ATG5: variants seen among roughly 807,000 people sequenced by gnomAD.
The protein encoded by ATG5 is autophagy related 5.
ATG5 carries 14 observed loss-of-function variants against 36.5 expected under a neutral mutation model. That is an observed-to-expected ratio of 0.38 (90% CI 0.25 to 0.60). The LOEUF (loss-of-function observed/expected upper bound fraction) is 0.60, where lower values mean the gene tolerates loss of function less well. Ranked by LOEUF, ATG5 falls within the 20% of genes least tolerant of loss-of-function variation. The pLI is 0.60. For synonymous variants in ATG5, 95 were observed against 101.5 expected (o/e 0.94, Z 0.38); for missense variants, 195 against 326.7 (o/e 0.60, Z 3.11).
At chr6:106,281,571 A>C (rs1248810288) in intron 4 of ATG5, among the ~76,000 whole-genome samples, 2 of 152,204 alleles carry the variant, frequency 1.3e-5, no homozygotes, top group African/African-American at 4.8e-5. Flanking sequence ...TGTTTATCTA[A>C]AAACTTGTTA....
chr6:106,186,818 A>ACATG, intron 7 of ATG5, 142 bp from the exon 8 acceptor site: 2 of 979,922 alleles, frequency 2.0e-6, no homozygotes, highest in East Asian at 5.2e-5. Flanking sequence ...GGACATGGAG[A>ACATG]AAGTTCAAAT....
intron 5 of ATG5, 31 bp downstream of exon 5, chr6:106,279,630 G>T (rs927698961): frequency 2.1e-5 from 30 of 1,406,086 alleles, no homozygotes; most frequent in Non-Finnish European, 2.6e-5. Context: ...TTATAAAGTG[G>T]TATTCTAAAA....
At chr6:106,259,532 T>C (rs1388366098) in intron 5 of ATG5, among the ~76,000 whole-genome samples, 1 of 152,238 alleles carries the variant, frequency 6.6e-6, no homozygotes, top group African/African-American at 2.4e-5. Context: ...ATTATAATTG[T>C]AAAGCATTTC....
chr6:106,235,685 G>T (rs1474138887), intron 6 of ATG5, among the ~76,000 whole-genome samples: 2 of 152,148 alleles, frequency 1.3e-5, no homozygotes, highest in African/African-American at 4.8e-5. Flanking sequence ...TCGCCTGAGA[G>T]CACAGCGGGA....
At chr6:106,216,831 C>A (rs559273468) in intron 6 of ATG5, among the ~76,000 whole-genome samples, 17 of 152,164 alleles carry the variant, frequency 1.1e-4, no homozygotes, top group African/African-American at 3.9e-4. Context: ...GCACTATGAT[C>A]ATACCTGTAA....
rs917226178 is a variant in ATG5 at position 106,313,890 on chromosome 6, T to G, written c.108+2211A>C. On this transcript the variant is annotated intron_variant, in intron 2 of 7. Coordinates refer to ENST00000369076, the MANE Select transcript of ATG5 (RefSeq NM_004849.4). ...AACTTACACTTAAGCATGTACATAT[T>G]TAAATAGCAAAATTTGGATTGTGCC... 4.6e-5 allele frequency among the ~76,000 whole-genome samples: 7 copies of G among 152,334 alleles called. No individual in the cohort carries two copies. The South Asian group carries it at 1.0e-3, about 23-fold the overall frequency.
At chr6:106,253,353 T>A (rs1778673227) in intron 5 of ATG5, among the ~76,000 whole-genome samples, 1 of 152,180 alleles carries the variant, frequency 6.6e-6, no homozygotes, top group South Asian at 2.1e-4. Context: ...AGGAAGTTCA[T>A]CCTTCATCCT....
intron 2 of ATG5, among the ~76,000 whole-genome samples, chr6:106,313,721 T>C (rs926755995): frequency 1.3e-5 from 2 of 152,146 alleles, no homozygotes; most frequent in Non-Finnish European, 2.9e-5. Context: ...ATATGTACTA[T>C]TAATATTAAA....
intron 6 of ATG5, among the ~76,000 whole-genome samples, chr6:106,230,056 G>A (rs1301847336): frequency 6.6e-6 from 1 of 152,186 alleles, no homozygotes; most frequent in Non-Finnish European, 1.5e-5. Flanking sequence ...GACCTAGGAG[G>A]AACTCCCTTC....
chr6:106,186,198 T>A lies in ATG5; in HGVS notation c.*342A>T, dbSNP rs1775760903. The A allele has an allele frequency of 4.9e-6, 1 of 204,574 alleles. No homozygotes were observed. The highest frequency in any genetic ancestry group is 1.6e-4 in the South Asian group (1 of 6,264). 12.7% of individuals were successfully genotyped at this position (204,574 alleles called of 1,614,324 possible). A position where few individuals can be genotyped will look rare whatever the true frequency, so the allele number is the denominator to read the frequency against. ...GGTCACCTTAGGAAATACCCCTGTTTATTTGTTAATCAGAAATACAAATCG... is the reference window on the plus strand; with the variant it reads ...GGTCACCTTAGGAAATACCCCTGTTAATTTGTTAATCAGAAATACAAATCG... On this transcript the variant is annotated 3_prime_UTR_variant, in exon 8 of 8. Coordinates refer to ENST00000369076, the MANE Select transcript of ATG5 (RefSeq NM_004849.4).
chr6:106,220,088 G>A (rs1248947013), intron 6 of ATG5, among the ~76,000 whole-genome samples: 2 of 152,032 alleles, frequency 1.3e-5, no homozygotes, highest in East Asian at 3.8e-4. Context: ...TCTGTAAAAT[G>A]CTCCCAAGAT....
intron 5 of ATG5, among the ~76,000 whole-genome samples, chr6:106,265,161 T>C (rs1397683894): frequency 1.3e-5 from 1 of 75,472 alleles, no homozygotes; most frequent in Admixed American, 1.7e-4. Flanking sequence ...ACCAAGCAAA[T>C]GGAAAGCAAA....
chr6:106,241,025 C>T (rs1778104584), intron 6 of ATG5, among the ~76,000 whole-genome samples: 1 of 152,096 alleles, frequency 6.6e-6, no homozygotes. Context: ...TGGTGGTGGG[C>T]ACCTGTAGTC....
intron 4 of ATG5, among the ~76,000 whole-genome samples, chr6:106,285,811 A>C (rs1044896197): frequency 3.3e-5 from 5 of 152,198 alleles, no homozygotes; most frequent in African/African-American, 9.6e-5. Flanking sequence ...ATATTTTTTT[A>C]AATTTTTTTC....
chr6:106,228,126 T>C (rs536489662), intron 6 of ATG5, among the ~76,000 whole-genome samples: 21 of 152,284 alleles, frequency 1.4e-4, no homozygotes, highest in Non-Finnish European at 2.2e-4. Flanking sequence ...TATTAGAAAA[T>C]AGCTTTATTG....
At chr6:106,295,181 T>C (rs1359834965) in intron 3 of ATG5, among the ~76,000 whole-genome samples, 1 of 152,208 alleles carries the variant, frequency 6.6e-6, no homozygotes, top group Non-Finnish European at 1.5e-5. Context: ...TAATACCTTA[T>C]ACTTTTACAA....
At chr6:106,202,118 GC>G in intron 6 of ATG5, 29 bp from the exon 7 acceptor site, 1 of 1,570,226 alleles carries the variant, frequency 6.4e-7, no homozygotes, top group South Asian at 1.1e-5. Flanking sequence ...AATGATTCAA[GC>G]AATTAAGTCT....
rs1385286421 is a variant in ATG5 at position 106,185,596 on chromosome 6, A to G, written c.*944T>C. On this transcript the variant is annotated 3_prime_UTR_variant, in exon 8 of 8. Coordinates refer to ENST00000369076, the MANE Select transcript of ATG5 (RefSeq NM_004849.4). ...TGAAAAATTAGACCTGGAGCCAATG[A>G]AAAACACTAGCTTGGAAGGAATGGG... The G allele has an allele frequency of 6.6e-6, 1 of 152,350 alleles. No homozygotes were observed. Among genetic ancestry groups the G allele is most frequent in the African/African-American group, 2.4e-5 (1 of 41,466 alleles). 9.4% of individuals were successfully genotyped at this position (152,350 alleles called of 1,614,324 possible). A position where few individuals can be genotyped will look rare whatever the true frequency, so the allele number is the denominator to read the frequency against.
At position 106,322,706 on chromosome 6, in the gene ATG5, G is replaced by GACT. The variant is rs533589617; in HGVS notation, c.-59+2817_-59+2819dup. On this transcript the variant is annotated intron_variant, in intron 1 of 7. Coordinates refer to ENST00000369076, the MANE Select transcript of ATG5 (RefSeq NM_004849.4). ...AACTGTAAATGTTGAAATGCCCCAG[G>GACT]ACTCAGTCCTTGAACCACTCCCTTG... Among the ~76,000 whole-genome samples, 12 of 152,246 alleles carry GACT rather than the reference G, an allele frequency of 7.9e-5. No individual in the cohort carries two copies. In the East Asian group the frequency reaches 2.3e-3, roughly 29 times the overall value.
Sources: gnomAD v4.1 joint callset for allele counts (sites outside exome capture counted in the v4.1 genomes callset) on GRCh38, gnomAD v4.1.1 for gene constraint, MANE v1.5 for transcripts, NCBI Gene and HGNC (gene_info 2026-07-23, HGNC 2026-07-21) for gene names.